H2AZ2: variants seen among roughly 807,000 people sequenced by gnomAD.
H2AZ2 encodes the protein histone H2A.V.
Under a neutral mutation model 15.5 loss-of-function variants are expected in H2AZ2, and 5 were observed. The observed-to-expected ratio is 0.32, with a 90% CI of 0.17 to 0.68. The LOEUF (loss-of-function observed/expected upper bound fraction) is 0.68. Ranked by LOEUF, H2AZ2 falls within the 30% of genes least tolerant of loss-of-function variation. The pLI, the probability that H2AZ2 is intolerant of heterozygous loss-of-function variation, is 0.72. For missense variants in H2AZ2, 42 were observed against 162.5 expected (o/e 0.26, Z 4.03); for synonymous variants, 44 against 57.4 (o/e 0.77, Z 1.05).
chr7:44,829,050 T>A (rs921179823), downstream of H2AZ2: 15 of 152,232 alleles, frequency 9.9e-5, no homozygotes, highest in African/African-American at 2.9e-4. Context: ...TTTAGTTACA[T>A]CTGCAAAGTC....
At chr7:44,828,468 C>T (rs11544537), downstream of H2AZ2, 46,448 of 152,124 alleles carry the variant, frequency 0.31, 8,230 homozygotes, top group Non-Finnish European at 0.4. Flanking sequence ...CATGTGTTCT[C>T]ATTCAGAGAT....
chr7:44,830,925 G>T (rs1792990103), downstream of H2AZ2, among the ~76,000 whole-genome samples: 1 of 152,212 alleles, frequency 6.6e-6, no homozygotes, highest in Admixed American at 6.5e-5. Context: ...GGAGGCTGAG[G>T]TTGCAGTGAG....
At chr7:44,841,760 T>C (rs915443516) in intron 2 of H2AZ2, among the ~76,000 whole-genome samples, 1 of 152,198 alleles carries the variant, frequency 6.6e-6, no homozygotes, top group African/African-American at 2.4e-5. Flanking sequence ...TGAGCCACTG[T>C]GCCCCGCCAG....
downstream of H2AZ2, chr7:44,830,012 C>T (rs1792978950): frequency 1.4e-6 from 1 of 716,848 alleles, no homozygotes; most frequent in Non-Finnish European, 2.3e-6. Flanking sequence ...ATTCACGTAT[C>T]TGAGAAGCAA....
intron 4 of H2AZ2, 73 bp downstream of exon 4, chr7:44,835,456 C>T (rs908665634): frequency 8.1e-7 from 1 of 1,233,588 alleles, no homozygotes; most frequent in Admixed American, 2.1e-5. Flanking sequence ...ATCAAATATA[C>T]TATATCATTG....
intron 3 of H2AZ2, among the ~76,000 whole-genome samples, chr7:44,836,903 G>A (rs1355653165): frequency 6.6e-6 from 1 of 151,928 alleles, no homozygotes; most frequent in African/African-American, 2.4e-5. Context: ...GGGTGAGGCA[G>A]GAGAATGGCG....
downstream of H2AZ2, chr7:44,830,252 A>G (rs571097019): frequency 7.9e-7 from 1 of 1,261,556 alleles, no homozygotes; most frequent in African/African-American, 1.5e-5. Flanking sequence ...AACTGGATAA[A>G]ATACAAGTAA....
At chr7:44,847,795 G>A (rs1402372561) in intron 1 of H2AZ2, among the ~76,000 whole-genome samples, 174 bp downstream of exon 1, 2 of 152,150 alleles carry the variant, frequency 1.3e-5, no homozygotes, top group Non-Finnish European at 2.9e-5. Context: ...CCGGGGACCC[G>A]TGTCGGGCTC....
chr7:44,844,850 G>C (rs1793359431), intron 1 of H2AZ2, among the ~76,000 whole-genome samples: 1 of 152,124 alleles, frequency 6.6e-6, no homozygotes, highest in Non-Finnish European at 1.5e-5. Context: ...GTATTATAGA[G>C]TATATGTGTA....
chr7:44,844,517 C>A (rs936017665), intron 1 of H2AZ2, among the ~76,000 whole-genome samples: 2 of 152,142 alleles, frequency 1.3e-5, no homozygotes, highest in African/African-American at 2.4e-5. Flanking sequence ...CCATGCCCTG[C>A]TAATTTTTGT....
intron 3 of H2AZ2, among the ~76,000 whole-genome samples, chr7:44,840,318 A>G (rs2117036876): frequency 6.6e-6 from 1 of 152,290 alleles, no homozygotes; most frequent in South Asian, 2.1e-4. Flanking sequence ...CCAGGACTCA[A>G]GTGTACAATC....
chr7:44,834,133 A>C lies in H2AZ2; in HGVS notation c.*368T>G, dbSNP rs1793061050. 1.0e-6 allele frequency: 1 copy of C among 956,886 alleles called. No individual in the cohort carries two copies. Among genetic ancestry groups the C allele is most frequent in the Non-Finnish European group, 1.3e-6 (1 of 795,674 alleles). 59.3% of individuals were successfully genotyped at this position (956,886 alleles called of 1,614,324 possible). A position where few individuals can be genotyped will look rare whatever the true frequency, so the allele number is the denominator to read the frequency against. ...AAGATATATTCCCAATTTCTGTTCT[A>C]AGGTTACTCTGAATAACCAATCTGA... On this transcript the variant is annotated 3_prime_UTR_variant, in exon 5 of 5. Coordinates refer to ENST00000308153, the MANE Select transcript of H2AZ2 (RefSeq NM_012412.5).
intron 2 of H2AZ2, 117 bp downstream of exon 2, chr7:44,843,137 CAAAAAAAAAAAAAAAAAAAAAAA>C (rs55941046): frequency 6.2e-4 from 53 of 86,148 alleles, no homozygotes; most frequent in South Asian, 1.3e-3. Flanking sequence ...GACTCTGTCT[CAAAAAAAAAAAAAAAAAAAAAAA>C]AAAAAAAAAA....
intron 3 of H2AZ2, among the ~76,000 whole-genome samples, chr7:44,838,359 G>C (rs986306964): frequency 7.2e-5 from 11 of 151,876 alleles, no homozygotes. Flanking sequence ...AAAGAGGCCA[G>C]GTGGCCTCTT....
chr7:44,835,955 CTTTTTTTTTTTT>C (rs56386314), intron 3 of H2AZ2, among the ~76,000 whole-genome samples: 1 of 90,894 alleles, frequency 1.1e-5, no homozygotes, highest in South Asian at 3.5e-4. Context: ...TTAGAAAAGT[CTTTTTTTTTTTT>C]TTTTTTTTTT....
rs572379325 is a variant in H2AZ2 at position 44,833,530 on chromosome 7, T to C, written c.*971A>G. On this transcript the variant is annotated 3_prime_UTR_variant, in exon 5 of 5. Transcript: ENST00000308153. ...GATTACAGGCGTGAGCCACCGCGCC[T>C]GGCCGAGACGGCGTTTTACCATGTT... 4.4e-6 allele frequency: 1 copy of C among 229,676 alleles called. No individual in the cohort carries two copies. Among genetic ancestry groups the C allele is most frequent in the South Asian group, 1.6e-4 (1 of 6,358 alleles). The allele number at this position is 229,676 out of a possible 1,614,324, so 14.2% of individuals were successfully genotyped here. A position where few individuals can be genotyped will look rare whatever the true frequency, so the allele number is the denominator to read the frequency against.
intron 2 of H2AZ2, 56 bp from the exon 3 acceptor site, chr7:44,841,068 T>C (rs1793264156): frequency 7.8e-7 from 1 of 1,280,394 alleles, no homozygotes; most frequent in Non-Finnish European, 1.1e-6. Context: ...TTGCACTGAC[T>C]GTAATCAAAG....
In H2AZ2 at chr7:44,833,794, C is replaced by T. The variant is rs1793050914; in HGVS notation, c.*707G>A. 1.5e-6 allele frequency: 1 copy of T among 670,414 alleles called. No individual in the cohort carries two copies. Among genetic ancestry groups the T allele is most frequent in the Non-Finnish European group, 1.8e-6 (1 of 542,216 alleles). 41.5% of individuals were successfully genotyped at this position (670,414 alleles called of 1,614,324 possible). A position where few individuals can be genotyped will look rare whatever the true frequency, so the allele number is the denominator to read the frequency against. ...TATCTACCAGTTCAATGTTTTTTGGCATAGCACACAATTTCTGTGACCCTT... is the reference window on the plus strand; with the variant it reads ...TATCTACCAGTTCAATGTTTTTTGGTATAGCACACAATTTCTGTGACCCTT... On this transcript the variant is annotated 3_prime_UTR_variant, in exon 5 of 5. Coordinates refer to ENST00000308153, the MANE Select transcript of H2AZ2 (RefSeq NM_012412.5).
At position 44,848,087 on chromosome 7, in the gene H2AZ2, T is replaced by G; in HGVS notation, c.-116A>C. 2 of 524,986 alleles carry G rather than the reference T, an allele frequency of 3.8e-6. No individual in the cohort carries two copies. Among genetic ancestry groups the G allele is most frequent in the Non-Finnish European group, 2.8e-6 (1 of 351,882 alleles). 32.5% of individuals were successfully genotyped at this position (524,986 alleles called of 1,614,324 possible). A position where few individuals can be genotyped will look rare whatever the true frequency, so the allele number is the denominator to read the frequency against. ...GCCGCCGGAGCCGGACAATACCCCG[T>G]GCCCGCCTCGCGCTGCTGTGGCCAA... On this transcript the variant is annotated 5_prime_UTR_variant, in exon 1 of 5. Transcript: ENST00000308153.
Sources: gnomAD v4.1 joint callset for allele counts (sites outside exome capture counted in the v4.1 genomes callset) on GRCh38, gnomAD v4.1.1 for gene constraint, MANE v1.5 for transcripts, NCBI Gene and HGNC (gene_info 2026-07-23, HGNC 2026-07-21) for gene names.